Variants in ATP9B observed in about 807,000 individuals in gnomAD.
ATP9B encodes probable phospholipid-transporting ATPase IIB.
In ATP9B, 110 loss-of-function variants were observed where a neutral mutation model predicts 146.1. That is an observed-to-expected ratio of 0.75 (90% CI 0.65 to 0.88). The LOEUF (loss-of-function observed/expected upper bound fraction) is 0.88. Ranked by LOEUF, ATP9B falls within the 40% of genes least tolerant of loss-of-function variation. The probability of loss-of-function intolerance (pLI) is 0.00; values close to 1 mark genes in which losing one functional copy is unlikely to be tolerated. For synonymous variants in ATP9B, 604 were observed against 569.7 expected (o/e 1.06, Z -0.86); for missense variants, 1,499 against 1,496.4 (o/e 1.00, Z -0.03).
intron 2 of ATP9B, among the ~76,000 whole-genome samples, chr18:79,105,517 A>ATT (rs1272972345): frequency 6.6e-6 from 1 of 152,192 alleles, no homozygotes; most frequent in Non-Finnish European, 1.5e-5. Context: ...CTGCTTTCTC[A>ATT]TTTTTATTTG....
chr18:79,297,607 G>A (rs549903453), intron 13 of ATP9B, among the ~76,000 whole-genome samples: 1 of 152,354 alleles, frequency 6.6e-6, no homozygotes, highest in African/African-American at 2.4e-5. Context: ...AGTTTGTCCT[G>A]TAGCTTAATT....
intron 12 of ATP9B, among the ~76,000 whole-genome samples, chr18:79,269,656 A>G (rs1022968028): frequency 2.6e-5 from 4 of 152,066 alleles, no homozygotes; most frequent in African/African-American, 9.7e-5. Context: ...GTTTTTGGTA[A>G]TTGTATTTGA....
intron 8 of ATP9B, among the ~76,000 whole-genome samples, chr18:79,183,845 C>CT (rs2095277966): frequency 1.3e-5 from 2 of 148,224 alleles, no homozygotes; most frequent in Non-Finnish European, 3.0e-5. Context: ...CACTGAAGAA[C>CT]TTTTTTGTTA....
chr18:79,099,489 G>A (rs2075093224), intron 2 of ATP9B, among the ~76,000 whole-genome samples: 1 of 152,074 alleles, frequency 6.6e-6, no homozygotes, highest in Non-Finnish European at 1.5e-5. Context: ...CCTTAGTGTT[G>A]GAATTACAGG....
Position 79,277,117 on chromosome 18 carries a change from C to T in ATP9B, c.1332C>T (p.Asn444=). 7 of 1,614,204 alleles carry T rather than the reference C, an allele frequency of 4.3e-6. No individual in the cohort carries two copies. The highest frequency in any genetic ancestry group is 5.9e-6 in the Non-Finnish European group (7 of 1,180,026). Reference sequence around the variant, plus strand: ...GATGGATGATGATGAAAGATGAGAACATCCCTGGCACGGTCGTTCGGACCA... The same window carrying T: ...GATGGATGATGATGAAAGATGAGAATATCCCTGGCACGGTCGTTCGGACCA... ...VYGWMMMKDE[N]IPGTVVRTST... The change falls in exon 13 of 30, where the codon AAC becomes AAT. Residue 444 remains asparagine, a synonymous_variant. Transcript: ENST00000426216.
At chr18:79,084,603 C>G (rs1461743520) in intron 1 of ATP9B, among the ~76,000 whole-genome samples, 1 of 151,806 alleles carries the variant, frequency 6.6e-6, no homozygotes, top group African/African-American at 2.4e-5. Flanking sequence ...ATTATGCAGC[C>G]TAGATATCCA....
At chr18:79,092,640 CTTT>C (rs145337759) in intron 1 of ATP9B, among the ~76,000 whole-genome samples, 9 of 118,260 alleles carry the variant, frequency 7.6e-5, no homozygotes, top group Non-Finnish European at 1.4e-4. Context: ...TTTACTTAAA[CTTT>C]TTTTTTTTTT....
intron 13 of ATP9B, among the ~76,000 whole-genome samples, chr18:79,283,970 G>T (rs1352908357): frequency 2.6e-5 from 4 of 152,182 alleles, no homozygotes; most frequent in African/African-American, 9.6e-5. Context: ...TTATCTTCAT[G>T]TAGAACAAAG....
intron 2 of ATP9B, among the ~76,000 whole-genome samples, chr18:79,105,695 T>G (rs1292198901): frequency 6.6e-6 from 1 of 152,236 alleles, no homozygotes; most frequent in Non-Finnish European, 1.5e-5. Flanking sequence ...TACATTTCAC[T>G]TGTTATCAAA....
chr18:79,251,885 G>C lies in ATP9B; in HGVS notation c.1108-1496G>C, dbSNP rs151228471. Among the ~76,000 whole-genome samples, 692 of 152,258 alleles carry C rather than the reference G, an allele frequency of 4.5e-3. 2 individuals carry two copies. Among genetic ancestry groups the C allele is most frequent in the Non-Finnish European group, 8.1e-3 (554 of 68,012 alleles). On this transcript the variant is annotated intron_variant, in intron 11 of 29. Transcript: ENST00000426216. Reference sequence around the variant, plus strand: ...TTTTCAAAAGTTGTTCCAGATTCAGGAGAAATTGAGATGGCAGATAGATAA... The same window carrying C: ...TTTTCAAAAGTTGTTCCAGATTCAGCAGAAATTGAGATGGCAGATAGATAA...
At chr18:79,302,588 G>A (rs1478220499) in intron 13 of ATP9B, among the ~76,000 whole-genome samples, 1 of 152,180 alleles carries the variant, frequency 6.6e-6, no homozygotes, top group Non-Finnish European at 1.5e-5. Flanking sequence ...TGTAATATGT[G>A]TATTTTTAGG....
intron 15 of ATP9B, among the ~76,000 whole-genome samples, chr18:79,319,280 G>A (rs2096701088): frequency 6.6e-6 from 1 of 152,230 alleles, no homozygotes; most frequent in Non-Finnish European, 1.5e-5. Flanking sequence ...CCTTCCAGAA[G>A]TGCTTCAATA....
chr18:79,094,609 A>G (rs991459140), intron 1 of ATP9B, among the ~76,000 whole-genome samples: 2 of 152,162 alleles, frequency 1.3e-5, no homozygotes, highest in South Asian at 2.1e-4. Flanking sequence ...AGGAAAAAAG[A>G]AAAAAACGTT....
chr18:79,317,434 A>T (rs1240963523), intron 15 of ATP9B, among the ~76,000 whole-genome samples: 1 of 152,244 alleles, frequency 6.6e-6, no homozygotes, highest in Non-Finnish European at 1.5e-5. Flanking sequence ...TATATAAAGA[A>T]TTCTCAAAAC....
intron 8 of ATP9B, among the ~76,000 whole-genome samples, chr18:79,188,011 T>C (rs2095324884): frequency 6.6e-6 from 1 of 152,176 alleles, no homozygotes; most frequent in South Asian, 2.1e-4. Context: ...GCAAGAGTCC[T>C]GTGTAGAAAA....
intron 12 of ATP9B, among the ~76,000 whole-genome samples, chr18:79,264,100 A>G (rs2096175789): frequency 6.6e-6 from 1 of 151,176 alleles, no homozygotes; most frequent in Admixed American, 6.6e-5. Context: ...AAAGAAAAGG[A>G]AAAAAAAACA....
intron 1 of ATP9B, chr18:79,095,902 T>C (rs934098897): frequency 6.6e-6 from 1 of 152,258 alleles, no homozygotes; most frequent in Non-Finnish European, 1.5e-5. Context: ...TTGAGATTTT[T>C]TCATTGAATA....
intron 10 of ATP9B, among the ~76,000 whole-genome samples, chr18:79,211,459 C>T (rs1203997396): frequency 1.3e-5 from 2 of 152,200 alleles, no homozygotes; most frequent in African/African-American, 4.8e-5. Flanking sequence ...CACATAGCAG[C>T]CTCTTTGAAG....
chr18:79,313,426 T>C (rs1257603114), intron 15 of ATP9B, among the ~76,000 whole-genome samples: 1 of 152,200 alleles, frequency 6.6e-6, no homozygotes, highest in African/African-American at 2.4e-5. Flanking sequence ...ACACATTGTT[T>C]TTTCTGTTAT....
Sources: gnomAD v4.1 joint callset for allele counts (sites outside exome capture counted in the v4.1 genomes callset) on GRCh38, gnomAD v4.1.1 for gene constraint, MANE v1.5 for transcripts, NCBI Gene and HGNC (gene_info 2026-07-23, HGNC 2026-07-21) for gene names.